The following AGAP1 variants were observed in gnomAD, a reference collection of about 807,000 sequenced individuals.
AGAP1 encodes the protein ArfGAP with GTPase domain, ankyrin repeat and PH domain 1, also known as arf-GAP with GTPase, ANK repeat and PH domain-containing protein 1.
In AGAP1, 29 loss-of-function variants were observed where a neutral mutation model predicts 105.3. The observed-to-expected ratio is 0.28, with a 90% CI of 0.21 to 0.38. The LOEUF is 0.38. Ranked by LOEUF, AGAP1 falls within the 10% of genes least tolerant of loss-of-function variation. AGAP1 has a pLI of 1.00. For synonymous variants in AGAP1, 509 were observed against 485.9 expected (o/e 1.05, Z -0.63); for missense variants, 998 against 1,165.1 (o/e 0.86, Z 2.09).
chr2:235,516,149 T>G (rs1942377754), intron 1 of AGAP1, among the ~76,000 whole-genome samples: 1 of 151,994 alleles, frequency 6.6e-6, no homozygotes, highest in South Asian at 2.1e-4. Flanking sequence ...GCTCCCCGAC[T>G]TCATGGTTGG....
intron 1 of AGAP1, among the ~76,000 whole-genome samples, chr2:235,607,486 G>A (rs1367369026): frequency 6.6e-6 from 1 of 152,238 alleles, no homozygotes; most frequent in Non-Finnish European, 1.5e-5. Context: ...TCTGACTTCA[G>A]GCGGCCTTGC....
intron 16 of AGAP1, among the ~76,000 whole-genome samples, chr2:236,066,803 C>T (rs573788767): frequency 2.6e-4 from 39 of 152,320 alleles, no homozygotes; most frequent in African/African-American, 9.4e-4. Flanking sequence ...GTCCCCCCTC[C>T]TGTTTATTCT....
At position 235,734,883 on chromosome 2, in the gene AGAP1, C is replaced by T. The variant is rs6729228; in HGVS notation, c.311-6080C>T. Among the ~76,000 whole-genome samples, 1,008 of 152,350 alleles carry T rather than the reference C, an allele frequency of 6.6e-3. 17 individuals are homozygous for T. The highest frequency in any genetic ancestry group is 0.022 in the African/African-American group (926 of 41,580). On this transcript the variant is annotated intron_variant, in intron 3 of 17. Transcript: ENST00000304032. The surrounding 1 kb of genome is among the most constrained non-coding windows in gnomAD (Gnocchi z 5.3). The stretch of plus-strand genomic sequence containing the variant: ...AGTCTTGGTCCTGCCGCGTGCTGGC[C>T]GTGGAGCTCTTGCTCTGTGTCTGAA...
rs1034031612 is a variant in AGAP1 at position 235,973,654 on chromosome 2, A to G, written c.1645+5031A>G. 7.9e-5 allele frequency among the ~76,000 whole-genome samples: 12 copies of G among 152,206 alleles called. No individual in the cohort carries two copies. Among genetic ancestry groups the G allele is most frequent in the African/African-American group, 1.9e-4 (8 of 41,454 alleles). ...AGAAGGGCGTCCCAACTTGTCCTGG[A>G]TGGCCCAGGTGGTAACCATGGGACC... is the stretch of plus-strand genomic sequence containing the variant. On this transcript the variant is annotated intron_variant, in intron 13 of 17. Transcript: ENST00000304032. This position sits in a 1 kb window ranked among gnomAD's most constrained non-coding sequence, Gnocchi z 4.7.
intron 13 of AGAP1, among the ~76,000 whole-genome samples, chr2:235,985,790 T>C (rs572807847): frequency 6.6e-6 from 1 of 152,232 alleles, no homozygotes; most frequent in East Asian, 1.9e-4. Context: ...ATATGTGTGG[T>C]GGTATTTCTG....
chr2:236,047,323 G>A (rs2057751145), intron 15 of AGAP1, among the ~76,000 whole-genome samples: 1 of 151,996 alleles, frequency 6.6e-6, no homozygotes, highest in Non-Finnish European at 1.5e-5. Context: ...GAGGTGGGCT[G>A]TGCAGACACA....
rs1299707822 is a variant in AGAP1 at position 235,983,180 on chromosome 2, G to A, written c.1645+14557G>A. 2.6e-5 allele frequency among the ~76,000 whole-genome samples: 4 copies of A among 152,088 alleles called. No individual in the cohort carries two copies. The East Asian group carries it at 7.7e-4, about 29-fold the overall frequency. On this transcript the variant is annotated intron_variant, in intron 13 of 17. Transcript: ENST00000304032. The surrounding 1 kb of genome is among the most constrained non-coding windows in gnomAD (Gnocchi z 4.5). ...GACCCCAGAGAAGGGACAGGATGGG[G>A]GGTTATGGAAGTGCCCAGCAAGGGG...
Position 235,662,484 on chromosome 2 carries a change from T to C in AGAP1, c.164-46695T>C, listed in dbSNP as rs2149341662. ...ATCCCAATTTAGTTTATCATTCCCCTACTTGGTCTGTCTGCCTTCATGGAA... is the reference window on the plus strand; with the variant it reads ...ATCCCAATTTAGTTTATCATTCCCCCACTTGGTCTGTCTGCCTTCATGGAA... On this transcript the variant is annotated intron_variant, in intron 1 of 17. Transcript: ENST00000304032. The surrounding 1 kb of genome is among the most constrained non-coding windows in gnomAD (Gnocchi z 4.2). 6.6e-6 allele frequency among the ~76,000 whole-genome samples: 1 copy of C among 151,462 alleles called. No individual in the cohort carries two copies. The highest frequency in any genetic ancestry group is 2.4e-5 in the African/African-American group (1 of 41,266).
At position 235,900,074 on chromosome 2, in the gene AGAP1, C is replaced by T. The variant is rs1027422545; in HGVS notation, c.1156-8664C>T. On this transcript the variant is annotated intron_variant, in intron 10 of 17. Transcript: ENST00000304032. This position sits in a 1 kb window ranked among gnomAD's most constrained non-coding sequence, Gnocchi z 5.5. ...GCAGCACATGAAGCAGAGAAGTCTG[C>T]TTTTGCCATCATGTAGGGACTCTCC... Among the ~76,000 whole-genome samples the T allele has an allele frequency of 6.6e-6, 1 of 152,228 alleles. No homozygotes were observed. The highest frequency in any genetic ancestry group is 2.4e-5 in the African/African-American group (1 of 41,450).
intron 16 of AGAP1, among the ~76,000 whole-genome samples, chr2:236,108,862 C>T (rs1003580905): frequency 2.6e-5 from 4 of 152,232 alleles, no homozygotes; most frequent in East Asian, 3.9e-4. Context: ...GTCTGTGTCC[C>T]GTTCATCTCC....
At chr2:235,773,317 T>A (rs1325895777) in intron 6 of AGAP1, among the ~76,000 whole-genome samples, 2 of 152,200 alleles carry the variant, frequency 1.3e-5, no homozygotes, top group East Asian at 3.9e-4. Flanking sequence ...GTTACAAAGG[T>A]TACACTTCTA....
chr2:236,114,246 A>G lies in AGAP1; in HGVS notation c.2115-5946A>G, dbSNP rs1218851101. On this transcript the variant is annotated intron_variant, in intron 16 of 17. Transcript: ENST00000304032. This position sits in a 1 kb window ranked among gnomAD's most constrained non-coding sequence, Gnocchi z 5.0. ...TTGGGGAAAATGAAAGGCTCAGCCA[A>G]GACAAGCCAGGGATCCCAGAAGTAG... 6.6e-6 allele frequency among the ~76,000 whole-genome samples: 1 copy of G among 152,158 alleles called. No individual in the cohort carries two copies. Among genetic ancestry groups the G allele is most frequent in the Non-Finnish European group, 1.5e-5 (1 of 68,028 alleles).
chr2:235,990,199 T>C (rs1443480266), intron 13 of AGAP1, among the ~76,000 whole-genome samples: 2 of 152,230 alleles, frequency 1.3e-5, no homozygotes, highest in Admixed American at 6.5e-5. Context: ...TTATCTGTTA[T>C]GTCAAAGTTA....
At chr2:235,774,327 G>T in intron 6 of AGAP1, 1 of 470,264 alleles carries the variant, frequency 2.1e-6, no homozygotes, top group South Asian at 1.6e-5. Context: ...GGGCTGGGAA[G>T]ATAGAGGTGC....
chr2:236,120,101 T>C lies in AGAP1; in HGVS notation c.2115-91T>C, dbSNP rs2059863789. On this transcript the variant is annotated intron_variant, in intron 16 of 17. Coordinates refer to ENST00000304032, the MANE Select transcript of AGAP1 (RefSeq NM_001037131.3). The surrounding 1 kb of genome is among the most constrained non-coding windows in gnomAD (Gnocchi z 6.0). ...TTTGCTTTCTGTTATTTCACTTCCCTCTCGGCTTCTCCCGACCACACTGGG... is the reference window on the plus strand; with the variant it reads ...TTTGCTTTCTGTTATTTCACTTCCCCCTCGGCTTCTCCCGACCACACTGGG... The C allele has an allele frequency of 2.0e-6, 3 of 1,517,690 alleles. No individual in the cohort carries two copies. The highest frequency in any genetic ancestry group is 2.7e-6 in the Non-Finnish European group (3 of 1,130,758). The allele number at this position is 1,517,690 out of a possible 1,614,324, so 94.0% of individuals were successfully genotyped here. A position where few individuals can be genotyped will look rare whatever the true frequency, so the allele number is the denominator to read the frequency against.
At chr2:236,059,333 C>T (rs780578080) in intron 16 of AGAP1, among the ~76,000 whole-genome samples, 2 of 152,084 alleles carry the variant, frequency 1.3e-5, no homozygotes, top group Non-Finnish European at 2.9e-5. Context: ...TTAAAGAAGA[C>T]CTAAGTAAAT....
intron 1 of AGAP1, among the ~76,000 whole-genome samples, chr2:235,679,497 A>G (rs921149281): frequency 1.3e-5 from 2 of 152,130 alleles, no homozygotes; most frequent in African/African-American, 4.8e-5. Context: ...AAAATTATTG[A>G]CCACTGTTAC....
chr2:235,587,905 A>G (rs757685152), intron 1 of AGAP1, among the ~76,000 whole-genome samples: 3 of 151,814 alleles, frequency 2.0e-5, no homozygotes, highest in Non-Finnish European at 4.4e-5. Flanking sequence ...CTTCCCATGA[A>G]CGGAAGGGAA....
intron 1 of AGAP1, among the ~76,000 whole-genome samples, chr2:235,592,934 A>T (rs930839021): frequency 2.6e-5 from 4 of 152,034 alleles, no homozygotes; most frequent in African/African-American, 9.7e-5. Flanking sequence ...AAATAAGGAG[A>T]GGCTGTCTGA....
Sources: allele counts gnomAD v4.1 joint callset (sites outside exome capture counted in the v4.1 genomes callset), GRCh38; gene constraint gnomAD v4.1.1; non-coding constraint Gnocchi (gnomAD v3.1); transcripts MANE v1.5; gene names NCBI Gene and HGNC (gene_info 2026-07-23, HGNC 2026-07-21).